TTC23: variants seen among roughly 807,000 people sequenced by gnomAD.
TTC23 encodes tetratricopeptide repeat protein 23.
A neutral mutation model predicts 55.1 loss-of-function variants in TTC23; 58 were observed. The observed-to-expected ratio is 1.05, with a 90% CI of 0.85 to 1.31. The LOEUF (loss-of-function observed/expected upper bound fraction) is 1.31, where lower values mean the gene tolerates loss of function less well. Ranked by LOEUF, TTC23 falls within the 50% of genes most tolerant of loss-of-function variation. The pLI, the probability that TTC23 is intolerant of heterozygous loss-of-function variation, is 0.00. For synonymous variants in TTC23, 203 were observed against 199.9 expected (o/e 1.02, Z -0.13); for missense variants, 516 against 534.4 (o/e 0.97, Z 0.34).
chr15:99,172,238 G>C (rs28594596), intron 10 of TTC23, among the ~76,000 whole-genome samples: 1 of 151,596 alleles, frequency 6.6e-6, no homozygotes, highest in South Asian at 2.1e-4. Context: ...GGCTGGTCTC[G>C]AACTCCTGAC....
intron 9 of TTC23, among the ~76,000 whole-genome samples, chr15:99,179,596 C>T (rs141560676): frequency 1.3e-3 from 192 of 152,252 alleles, no homozygotes; most frequent in African/African-American, 3.6e-3. Context: ...ACTGAGTGAA[C>T]GAAGCAACTT....
chr15:99,193,093 T>C (rs1007260832), intron 9 of TTC23, among the ~76,000 whole-genome samples: 1 of 152,230 alleles, frequency 6.6e-6, no homozygotes, highest in Non-Finnish European at 1.5e-5. Context: ...CCACTTTGTA[T>C]CTAGAAACCA....
intron 9 of TTC23, among the ~76,000 whole-genome samples, chr15:99,182,280 AC>A: frequency 6.6e-6 from 1 of 151,466 alleles, no homozygotes; most frequent in African/African-American, 2.4e-5. Flanking sequence ...ACACACACAC[AC>A]ACACACACAT....
At chr15:99,145,436 G>A (rs2068730424) in intron 12 of TTC23, 1 of 152,200 alleles carries the variant, frequency 6.6e-6, no homozygotes, top group South Asian at 2.1e-4. Flanking sequence ...GGCCTTGGTG[G>A]TGGTCGATCC....
intron 9 of TTC23, among the ~76,000 whole-genome samples, chr15:99,185,901 G>A (rs1384561653): frequency 2.0e-5 from 3 of 151,958 alleles, no homozygotes; most frequent in Non-Finnish European, 2.9e-5. Flanking sequence ...AAAATGCTTT[G>A]GAACTTTTCT....
intron 5 of TTC23, among the ~76,000 whole-genome samples, chr15:99,227,206 G>T (rs920669372): frequency 6.6e-6 from 1 of 152,100 alleles, no homozygotes; most frequent in East Asian, 1.9e-4. Context: ...TCCTGTATTT[G>T]TTATACTGAT....
Position 99,156,147 on chromosome 15 carries a change from C to T in TTC23, c.1143+1G>A. ...CGTGTTAGTACTGGTTCCAGCTTTA[C>T]CTTCTTCAGTTTCTTGCGGGCCCCA... On this transcript the variant is annotated splice_donor_variant, in intron 12 of 13. Transcript: ENST00000394132. LOFTEE classifies it high-confidence loss of function. 1 of 1,614,154 alleles carries T rather than the reference C, an allele frequency of 6.2e-7. No individual in the cohort carries two copies. Among genetic ancestry groups the T allele is most frequent in the Non-Finnish European group, 8.5e-7 (1 of 1,180,026 alleles).
At chr15:99,209,902 T>C (rs2076908623) in intron 8 of TTC23, among the ~76,000 whole-genome samples, 2 of 152,136 alleles carry the variant, frequency 1.3e-5, no homozygotes, top group Middle Eastern at 3.4e-3. Context: ...GCCTGGCTAA[T>C]TTTTTGTATT....
intron 10 of TTC23, among the ~76,000 whole-genome samples, chr15:99,171,410 G>A (rs1055556100): frequency 2.0e-5 from 3 of 151,974 alleles, no homozygotes; most frequent in Non-Finnish European, 2.9e-5. Flanking sequence ...AAAATGGGAG[G>A]TCCTGTCCTG....
At chr15:99,180,455 C>G (rs1242306168) in intron 9 of TTC23, among the ~76,000 whole-genome samples, 1 of 152,160 alleles carries the variant, frequency 6.6e-6, no homozygotes, top group Admixed American at 6.5e-5. Context: ...GGGGAAACCA[C>G]AGATTCCTCA....
chr15:99,212,642 C>G (rs1176065638), intron 8 of TTC23, among the ~76,000 whole-genome samples: 1 of 151,984 alleles, frequency 6.6e-6, no homozygotes, highest in African/African-American at 2.4e-5. Context: ...TGGGCTGTTG[C>G]GATGGGCACC....
chr15:99,242,122 A>AC (rs2079857238), intron 2 of TTC23, among the ~76,000 whole-genome samples: 1 of 138,394 alleles, frequency 7.2e-6, no homozygotes, highest in Non-Finnish European at 1.5e-5. Flanking sequence ...ACAGAACAAG[A>AC]TCCTGTCTCA....
At chr15:99,190,205 GA>G (rs1172995796) in intron 9 of TTC23, among the ~76,000 whole-genome samples, 1 of 143,774 alleles carries the variant, frequency 7.0e-6, no homozygotes, top group Admixed American at 6.9e-5. Flanking sequence ...AAGAAAGAAA[GA>G]AAATTCCTGG....
At chr15:99,245,873 C>T (rs1250142228) in intron 1 of TTC23, among the ~76,000 whole-genome samples, 3 of 145,290 alleles carry the variant, frequency 2.1e-5, no homozygotes, top group Admixed American at 7.0e-5. Flanking sequence ...GGCGTGATCT[C>T]GGCTCACTGC....
chr15:99,213,920 T>C (rs2077239410), intron 8 of TTC23, among the ~76,000 whole-genome samples: 1 of 152,238 alleles, frequency 6.6e-6, no homozygotes, highest in Admixed American at 6.5e-5. Flanking sequence ...GTAGTGATAC[T>C]GCTGGGTCAA....
intron 9 of TTC23, among the ~76,000 whole-genome samples, chr15:99,193,887 T>C (rs1253089801): frequency 6.6e-6 from 1 of 152,026 alleles, no homozygotes; most frequent in Non-Finnish European, 1.5e-5. Flanking sequence ...TGGGTGCCTG[T>C]AATCCCAGCT....
chr15:99,151,446 T>G (rs1192066247), intron 12 of TTC23: 2 of 152,252 alleles, frequency 1.3e-5, no homozygotes, highest in Non-Finnish European at 2.9e-5. Flanking sequence ...CCAGCCTTGA[T>G]CTTCACCTTG....
chr15:99,155,964 A>G, intron 12 of TTC23, 184 bp downstream of exon 12: 1 of 690,288 alleles, frequency 1.4e-6, no homozygotes, highest in Non-Finnish European at 2.4e-6. Context: ...ATGTATGTCT[A>G]AGAGGCTTAC....
chr15:99,171,559 CTTTTTTTTTTT>C (rs35676358), intron 10 of TTC23, among the ~76,000 whole-genome samples: 9 of 92,302 alleles, frequency 9.8e-5, no homozygotes, highest in African/African-American at 2.2e-4. Context: ...GTCTCTCCGT[CTTTTTTTTTTT>C]TTTTTTTTTT....
Sources: gnomAD v4.1 joint callset for allele counts (sites outside exome capture counted in the v4.1 genomes callset) on GRCh38, gnomAD v4.1.1 for gene constraint, MANE v1.5 for transcripts, NCBI Gene and HGNC (gene_info 2026-07-23, HGNC 2026-07-21) for gene names.